ITGAX: variants seen among roughly 807,000 people sequenced by gnomAD.
ITGAX encodes the protein integrin subunit alpha X.
In ITGAX, 99 loss-of-function variants were observed where a neutral mutation model predicts 140.2. The ratio of observed to expected loss-of-function variants is 0.71; its 90% CI spans 0.60 to 0.83. ITGAX has a LOEUF of 0.83. Ranked by LOEUF, ITGAX falls within the 40% of genes least tolerant of loss-of-function variation. The probability of loss-of-function intolerance (pLI) is 0.00; values close to 1 mark genes in which losing one functional copy is unlikely to be tolerated. For synonymous variants in ITGAX, 631 were observed against 600.4 expected, an observed-to-expected ratio of 1.05 and a Z score of -0.75; for missense variants, 1,444 against 1,482.0, an observed-to-expected ratio of 0.97 and a Z score of 0.42.
At position 31,356,649 on chromosome 16, in the gene ITGAX, G is replaced by C; in HGVS notation, c.168G>C (p.Lys56Asn). The stretch of plus-strand genomic sequence containing the variant: ...GGGTGGTGGTTGGAGCCCCCCAAAA[G>C]ATAACAGCTGCCAACCAAACGGGTG... ...NSWVVVGAPQ[K>N]ITAANQTGGL... Residue 56 changes from lysine to asparagine, a missense_variant, in exon 3 of 30, where the codon AAG becomes AAC. Coordinates refer to ENST00000268296, the MANE Select transcript of ITGAX (RefSeq NM_000887.5). 6.2e-7 allele frequency: 1 copy of C among 1,601,170 alleles called. No homozygotes were observed. Among genetic ancestry groups the C allele is most frequent in the Non-Finnish European group, 8.5e-7 (1 of 1,174,970 alleles).
At chr16:31,378,624 C>T (rs2081040618) in intron 23 of ITGAX, among the ~76,000 whole-genome samples, 1 of 151,954 alleles carries the variant, frequency 6.6e-6, no homozygotes, top group South Asian at 2.1e-4. Flanking sequence ...TGTGTGCCAC[C>T]ATGCCTGGCT....
chr16:31,362,750 T>G lies in ITGAX; in HGVS notation c.1356T>G (p.Thr452=). ...GGATGAAGGCCGAAGTCACGGGGAC[T>G]CAGGTTGGGCGTGACAGGAGCCAGA... ...QWRMKAEVTG[T]QIGSYFGASL... The change falls in exon 12 of 30, where the codon ACT becomes ACG. Residue 452 remains threonine, a synonymous_variant. Transcript: ENST00000268296. 2 of 1,613,568 alleles carry G rather than the reference T, an allele frequency of 1.2e-6. No homozygotes were observed. Among genetic ancestry groups the G allele is most frequent in the Non-Finnish European group, 1.7e-6 (2 of 1,179,768 alleles).
chr16:31,372,313 G>A (rs2080975014), intron 17 of ITGAX, 65 bp from the exon 18 acceptor site: 3 of 1,551,330 alleles, frequency 1.9e-6, no homozygotes, highest in Non-Finnish European at 2.6e-6. Context: ...AAGAACTGCG[G>A]ATGAGGCCGA....
intron 3 of ITGAX, 69 bp downstream of exon 3, chr16:31,356,797 C>A: frequency 8.5e-7 from 1 of 1,173,026 alleles, no homozygotes; most frequent in Non-Finnish European, 1.2e-6. Flanking sequence ...GGCCCGTGGA[C>A]TCACCGGAGT....
intron 17 of ITGAX, 31 bp from the exon 18 acceptor site, chr16:31,372,347 C>T: frequency 6.3e-7 from 1 of 1,582,636 alleles, no homozygotes; most frequent in South Asian, 1.2e-5. Flanking sequence ...CCTCCCCTTA[C>T]CCTCCGCTCC....
chr16:31,359,312 C>T lies in ITGAX; in HGVS notation c.431-388C>T, dbSNP rs374346766. ...TCCCAAGTAGTTGGGACCACAGGCG[C>T]GTGCCACCACACCCACCTAATTTTT... On this transcript the variant is annotated intron_variant, in intron 5 of 29. Transcript: ENST00000268296. Among the ~76,000 whole-genome samples the T allele has an allele frequency of 2.6e-3, 402 of 152,250 alleles. 2 individuals carry two copies. Among genetic ancestry groups the T allele is most frequent in the African/African-American group, 9.3e-3 (385 of 41,540 alleles).
chr16:31,380,763 C>T (rs1367288012), intron 28 of ITGAX, 134 bp from the exon 29 acceptor site: 16 of 1,271,340 alleles, frequency 1.3e-5, no homozygotes, highest in Middle Eastern at 4.0e-4. Context: ...CCTAAGGGCA[C>T]GGGTGCTGCT....
chr16:31,365,719 T>C (rs1003341072), intron 14 of ITGAX, among the ~76,000 whole-genome samples: 1 of 152,130 alleles, frequency 6.6e-6, no homozygotes, highest in Non-Finnish European at 1.5e-5. Context: ...GGTCAGGAGT[T>C]CCAGACTAGG....
rs148255116 is a variant in ITGAX, at chr16:31,371,091, C to T, written c.1718C>T (p.Ala573Val). ...SISPSHSQRI[A>V]GSQLSSRLQY... is the part of the protein sequence containing the mutation. ...CTTCTCTCCTCTGGCCAGCGGATCGCGGGCTCCCAGCTCTCCTCCAGGCTG... is the reference window on the plus strand; with the variant it reads ...CTTCTCTCCTCTGGCCAGCGGATCGTGGGCTCCCAGCTCTCCTCCAGGCTG... The change falls in exon 15 of 30, where the codon GCG becomes GTG. Residue 573 changes from alanine to valine, a missense_variant. By Grantham distance (64) the Ala-to-Val change is moderately conservative. Coordinates refer to ENST00000268296, the MANE Select transcript of ITGAX (RefSeq NM_000887.5). The T allele has an allele frequency of 2.9e-5, 46 of 1,613,896 alleles. No homozygotes were observed. The highest frequency in any genetic ancestry group is 2.0e-4 in the Admixed American group (12 of 60,002).
Position 31,381,789 on chromosome 16 carries a change from G to A in ITGAX, c.3388-14G>A, listed in dbSNP as rs200466396. On this transcript the variant is annotated splice_polypyrimidine_tract_variant and intron_variant, in intron 29 of 29. Transcript: ENST00000268296. ...AATGGGCTTCCTGAGTTTCTTCTTC[G>A]TCCTCCCCCCTAGGTTGGCTTCTTC... 19 of 867,836 alleles carry A rather than the reference G, an allele frequency of 2.2e-5. No homozygotes were observed. The highest frequency in any genetic ancestry group is 5.1e-5 in the Admixed American group (3 of 58,740). 53.8% of individuals were successfully genotyped at this position (867,836 alleles called of 1,614,324 possible).
rs1254462715 is a variant in ITGAX, at chr16:31,379,873, G to A, written c.2976+9G>A. ...AGGTCTCCCACCCCCAGGTACCCAA[G>A]GACTGCATGTGGCTCCTCCACGAAT... On this transcript the variant is annotated intron_variant, in intron 25 of 29. Transcript: ENST00000268296. The A allele has an allele frequency of 1.2e-6, 2 of 1,613,360 alleles. No individual in the cohort carries two copies. The highest frequency in any genetic ancestry group is 1.7e-6 in the Non-Finnish European group (2 of 1,179,480).
chr16:31,373,595 A>C (rs973517312), intron 20 of ITGAX, among the ~76,000 whole-genome samples: 2 of 152,254 alleles, frequency 1.3e-5, no homozygotes, highest in Non-Finnish European at 2.9e-5. Context: ...GTGGAGACAG[A>C]GGGGAACCTG....
chr16:31,360,436 A>G lies in ITGAX; in HGVS notation c.834A>G (p.Ala278=). 3 of 1,612,816 alleles carry G rather than the reference A, an allele frequency of 1.9e-6. No individual in the cohort carries two copies. The highest frequency in any genetic ancestry group is 2.5e-6 in the Non-Finnish European group (3 of 1,179,486). Residue 278 remains alanine (A), a synonymous_variant, in exon 8 of 30, where the codon GCA becomes GCG. Coordinates refer to ENST00000268296, the MANE Select transcript of ITGAX (RefSeq NM_000887.5). ...AGGATGTCATCCCCATGGCTGATGCAGCAGGCATCATCCGCTATGCAATTG... is the reference window on the plus strand; with the variant it reads ...AGGATGTCATCCCCATGGCTGATGCGGCAGGCATCATCCGCTATGCAATTG... ...DYKDVIPMAD[A]AGIIRYAIGV...
intron 14 of ITGAX, among the ~76,000 whole-genome samples, chr16:31,365,419 C>G (rs771945422): frequency 5.3e-5 from 8 of 152,110 alleles, no homozygotes; most frequent in Non-Finnish European, 1.2e-4. Flanking sequence ...CAAGGAAGGT[C>G]CCTGCAGTTC....
intron 14 of ITGAX, 76 bp downstream of exon 14, chr16:31,363,450 T>C (rs1360116962): frequency 1.8e-5 from 28 of 1,541,388 alleles, no homozygotes; most frequent in Non-Finnish European, 2.2e-5. Flanking sequence ...TGGAAAACTG[T>C]CCCTTTTTAC....
At chr16:31,360,150 G>A (rs1380721919) in intron 7 of ITGAX, 85 bp downstream of exon 7, 3 of 1,559,956 alleles carry the variant, frequency 1.9e-6, no homozygotes, top group Non-Finnish European at 2.6e-6. Flanking sequence ...AAGGGGACAG[G>A]CAGGGACCAA....
intron 20 of ITGAX, among the ~76,000 whole-genome samples, chr16:31,374,602 G>T (rs890525160): frequency 1.3e-5 from 2 of 152,086 alleles, no homozygotes; most frequent in African/African-American, 4.8e-5. Context: ...ACCACACCTG[G>T]CTAATTTTTT....
In ITGAX at chr16:31,359,917, C is replaced by T. The variant is rs368541545; in HGVS notation, c.562-3C>T. On this transcript the variant is annotated splice_region_variant and splice_polypyrimidine_tract_variant and intron_variant, in intron 6 of 29. Transcript: ENST00000268296. ...CAGCCCCAGCCCTGTGTGCTTCTCC[C>T]AGTTTTCCCTGATGCAGTTCTCCAA... 1.2e-6 allele frequency: 2 copies of T among 1,614,028 alleles called. No homozygotes were observed. Among genetic ancestry groups the T allele is most frequent in the African/African-American group, 1.3e-5 (1 of 74,920 alleles).
Position 31,379,571 on chromosome 16 carries a change from C to T in ITGAX, c.2793C>T (p.His931=), listed in dbSNP as rs985017935. The T allele has an allele frequency of 1.1e-5, 17 of 1,559,762 alleles. No homozygotes were observed. The highest frequency in any genetic ancestry group is 1.7e-4 in the Middle Eastern group (1 of 6,024). The stretch of plus-strand genomic sequence containing the variant: ...CTTATGCGTCTTCTCTCTCCAGCCA[C>T]GAACAATTCACCAAATACCTCAACT... ...KYAVYTVVSS[H]EQFTKYLNFS... is the part of the protein sequence containing the mutation. Residue 931 remains histidine, a synonymous_variant, in exon 24 of 30, where the codon CAC becomes CAT. Transcript: ENST00000268296.
Sources: allele counts gnomAD v4.1 joint callset (sites outside exome capture counted in the v4.1 genomes callset), GRCh38; gene constraint gnomAD v4.1.1; transcripts MANE v1.5; gene names NCBI Gene and HGNC (gene_info 2026-07-23, HGNC 2026-07-21).